ARPP19: variants seen among roughly 807,000 people sequenced by gnomAD.
ARPP19 encodes cAMP regulated phosphoprotein 19, also known as cAMP-regulated phosphoprotein 19.
ARPP19 carries 8 observed loss-of-function variants against 12.0 expected under a neutral mutation model. The observed-to-expected ratio is 0.67, with a 90% CI of 0.39 to 1.21. ARPP19 has a LOEUF of 1.21. Ranked by LOEUF, ARPP19 falls within the 50% of genes most tolerant of loss-of-function variation. ARPP19 has a pLI of 0.01. For synonymous variants in ARPP19, 47 were observed against 50.4 expected (o/e 0.93, Z 0.29); for missense variants, 102 against 136.3 (o/e 0.75, Z 1.25).
Position 52,568,763 on chromosome 15 carries a change from G to A in ARPP19, c.45+85C>T, listed in dbSNP as rs2078110983. ...TCATGCGCCTCGGCCCCGCATCTCG[G>A]GCGCGGCCCTCCGCCTGGCGGGAGC... On this transcript the variant is annotated intron_variant, in intron 1 of 2. Coordinates refer to ENST00000249822, the MANE Select transcript of ARPP19 (RefSeq NM_006628.6). The A allele has an allele frequency of 1.3e-5, 12 of 959,828 alleles. No individual in the cohort carries two copies. The South Asian group carries it at 1.5e-4, about 12-fold the overall frequency. 59.5% of individuals were successfully genotyped at this position (959,828 alleles called of 1,614,324 possible). A position where few individuals can be genotyped will look rare whatever the true frequency, so the allele number is the denominator to read the frequency against.
At chr15:52,555,658 A>C (rs1391592921) in intron 2 of ARPP19, among the ~76,000 whole-genome samples, 2 of 152,028 alleles carry the variant, frequency 1.3e-5, no homozygotes, top group Admixed American at 6.6e-5. Context: ...GAGATTATTG[A>C]TTTGAAGAAC....
At chr15:52,555,877 A>G (rs900369771) in intron 2 of ARPP19, among the ~76,000 whole-genome samples, 1 of 151,926 alleles carries the variant, frequency 6.6e-6, no homozygotes, top group Admixed American at 6.6e-5. Context: ...TCTGTTTTTT[A>G]TATTTCCTGT....
At chr15:52,558,230 T>C (rs181977170) in intron 1 of ARPP19, among the ~76,000 whole-genome samples, 1 of 152,238 alleles carries the variant, frequency 6.6e-6, no homozygotes, top group African/African-American at 2.4e-5. Flanking sequence ...GGCGGATTGC[T>C]TGAAGCTAGT....
chr15:52,561,775 T>C (rs1396812966), intron 1 of ARPP19, among the ~76,000 whole-genome samples: 1 of 148,324 alleles, frequency 6.7e-6, no homozygotes, highest in African/African-American at 2.5e-5. Context: ...AGTGGCTGGA[T>C]TAAGGAAAAA....
intron 1 of ARPP19, among the ~76,000 whole-genome samples, chr15:52,562,466 A>G (rs1373602119): frequency 6.6e-6 from 1 of 152,166 alleles, no homozygotes; most frequent in Non-Finnish European, 1.5e-5. Flanking sequence ...GGAGTTCTAG[A>G]CCTACCCGGG....
chr15:52,555,079 A>G (rs147301939), intron 2 of ARPP19, among the ~76,000 whole-genome samples: 1,985 of 152,176 alleles, frequency 0.013, 48 homozygotes, highest in African/African-American at 0.046. Flanking sequence ...TTCATATAAA[A>G]TAACTTATTC....
rs2077937108 is a variant in ARPP19, at chr15:52,552,045, T to A, written c.228A>T (p.Gln76His). The A allele has an allele frequency of 6.2e-7, 1 of 1,613,562 alleles. No homozygotes were observed. The highest frequency in any genetic ancestry group is 8.5e-7 in the Non-Finnish European group (1 of 1,179,552). ...TCTTATCCGGAGCTGCAGTAGGAAG[T>A]TGCTTGTTCTTCATTTTTGCTTTAG... ...NMAKAKMKNK[Q>H]LPTAAPDKTE... The change falls in exon 3 of 3, where the codon CAA becomes CAT. Residue 76 changes from glutamine (Q) to histidine (H), a missense_variant. By Grantham distance (24) the Gln-to-His change is conservative. Coordinates refer to ENST00000249822, the MANE Select transcript of ARPP19 (RefSeq NM_006628.6).
intron 2 of ARPP19, among the ~76,000 whole-genome samples, chr15:52,553,560 T>A (rs1464905933): frequency 6.6e-6 from 1 of 152,156 alleles, no homozygotes; most frequent in Non-Finnish European, 1.5e-5. Context: ...GGGACAATAG[T>A]CAAGTAAATC....
intron 1 of ARPP19, among the ~76,000 whole-genome samples, chr15:52,564,894 G>A (rs2078067289): frequency 6.6e-6 from 1 of 152,102 alleles, no homozygotes; most frequent in African/African-American, 2.4e-5. Context: ...CTTTGGCAAA[G>A]GTTTTAACAG....
intron 1 of ARPP19, among the ~76,000 whole-genome samples, chr15:52,561,708 C>T (rs574190413): frequency 1.3e-5 from 2 of 151,016 alleles, no homozygotes; most frequent in South Asian, 4.2e-4. Flanking sequence ...AAACAAATCC[C>T]AATATGTTAA....
At position 52,555,384 on chromosome 15, in the gene ARPP19, T is replaced by G. The variant is rs554599273; in HGVS notation, c.168+1716A>C. On this transcript the variant is annotated intron_variant, in intron 2 of 2. Coordinates refer to ENST00000249822, the MANE Select transcript of ARPP19 (RefSeq NM_006628.6). ...TAAACAATAATCAAATCAAAATAATTTAATAGCCAAAGATTAAATAATTTA... is the reference window on the plus strand; with the variant it reads ...TAAACAATAATCAAATCAAAATAATGTAATAGCCAAAGATTAAATAATTTA... 3.3e-5 allele frequency among the ~76,000 whole-genome samples: 5 copies of G among 151,300 alleles called. No homozygotes were observed. The South Asian group carries it at 1.0e-3, about 32-fold the overall frequency.
chr15:52,568,974 C>T lies in ARPP19; in HGVS notation c.-82G>A, dbSNP rs2078115621. ...GCCACCCGGCCGCCGCCCGTCCCAG[C>T]TCTCCCAGGGCCCGCCGGGCCGCCT... On this transcript the variant is annotated 5_prime_UTR_variant, in exon 1 of 3. Coordinates refer to ENST00000249822, the MANE Select transcript of ARPP19 (RefSeq NM_006628.6). 2.8e-6 allele frequency: 3 copies of T among 1,072,922 alleles called. No individual in the cohort carries two copies. Among genetic ancestry groups the T allele is most frequent in the Admixed American group, 2.8e-5 (1 of 35,768 alleles). 66.5% of individuals were successfully genotyped at this position (1,072,922 alleles called of 1,614,324 possible).
chr15:52,568,768 G>A (rs1213383769), intron 1 of ARPP19, 80 bp downstream of exon 1: 8 of 1,025,812 alleles, frequency 7.8e-6, no homozygotes, highest in South Asian at 1.7e-5. Flanking sequence ...TCTCGGGCGC[G>A]GCCCTCCGCC....
intron 1 of ARPP19, among the ~76,000 whole-genome samples, chr15:52,560,570 T>C (rs2078023132): frequency 6.6e-6 from 1 of 152,232 alleles, no homozygotes; most frequent in Non-Finnish European, 1.5e-5. Flanking sequence ...TGACCTAATC[T>C]AGATTTTTAA....
At chr15:52,556,643 CA>C (rs2077984419) in intron 2 of ARPP19, among the ~76,000 whole-genome samples, 3 of 151,988 alleles carry the variant, frequency 2.0e-5, no homozygotes, top group South Asian at 2.1e-4. Context: ...GAATCACCTG[CA>C]AAAAATATGG....
In ARPP19 at chr15:52,558,968, T is replaced by C. The variant is rs542178113; in HGVS notation, c.46-1746A>G. ...CATGCACCACCACATCCAGCTCTCA[T>C]ACATGTTTTATAATCAGCTTCATTC... On this transcript the variant is annotated intron_variant, in intron 1 of 2. Transcript: ENST00000249822. Among the ~76,000 whole-genome samples the C allele has an allele frequency of 2.6e-5, 4 of 152,218 alleles. No individual in the cohort carries two copies. In the East Asian group the frequency reaches 5.8e-4, roughly 22 times the overall value.
At chr15:52,568,822 C>T (rs747417903) in intron 1 of ARPP19, 26 bp downstream of exon 1, 4 of 1,556,294 alleles carry the variant, frequency 2.6e-6, no homozygotes, top group African/African-American at 2.9e-5. Context: ...TGGGCAGGGC[C>T]CAGGGCTCAC....
chr15:52,558,863 A>T lies in ARPP19; in HGVS notation c.46-1641T>A, dbSNP rs984985037. On this transcript the variant is annotated intron_variant, in intron 1 of 2. Transcript: ENST00000249822. ...GGGGGAAAAAATTACAGGTCAGGCC[A>T]TATTGCCCAAACTGGTCTTGAACTC... is the stretch of plus-strand genomic sequence containing the variant. Among the ~76,000 whole-genome samples, 7 of 151,224 alleles carry T rather than the reference A, an allele frequency of 4.6e-5. 1 individual carries two copies. Among genetic ancestry groups the T allele is most frequent in the Non-Finnish European group, 7.4e-5 (5 of 67,932 alleles).
Position 52,557,182 on chromosome 15 carries a change from T to G in ARPP19, c.86A>C (p.Glu29Ala), listed in dbSNP as rs541368973. Residue 29 changes from glutamate (E) to alanine (A), a missense_variant, in exon 2 of 3, where the codon GAA becomes GCA. By Grantham distance (107) the Glu-to-Ala change is moderately radical. Transcript: ENST00000249822. Reference protein sequence around the residue: ...DKVTSPEKAEEAKLKARYPHL... With the variant: ...DKVTSPEKAEAAKLKARYPHL... ...AGGATATCTTGCTTTTAATTTTGCT[T>G]CTTCTGCTTTCTCTGGACTAGTCAC... 11 of 1,611,080 alleles carry G rather than the reference T, an allele frequency of 6.8e-6. No individual in the cohort carries two copies. The highest frequency in any genetic ancestry group is 3.3e-5 in the South Asian group (3 of 91,012).
Sources: allele counts gnomAD v4.1 joint callset (sites outside exome capture counted in the v4.1 genomes callset), GRCh38; gene constraint gnomAD v4.1.1; transcripts MANE v1.5; gene names NCBI Gene and HGNC (gene_info 2026-07-23, HGNC 2026-07-21).